NGEF: variants seen among roughly 807,000 people sequenced by gnomAD.
NGEF encodes ephexin-1.
A neutral mutation model predicts 80.9 loss-of-function variants in NGEF; 31 were observed. That is an observed-to-expected ratio of 0.38 (90% CI 0.29 to 0.52). The LOEUF (loss-of-function observed/expected upper bound fraction) is 0.52. Ranked by LOEUF, NGEF falls within the 20% of genes least tolerant of loss-of-function variation. The pLI is 0.84. For missense variants in NGEF, 709 were observed against 926.2 expected (o/e 0.77, Z 3.04); for synonymous variants, 371 against 370.2 (o/e 1.00, Z -0.03).
intron 1 of NGEF, among the ~76,000 whole-genome samples, chr2:232,989,217 G>A (rs143115353): frequency 0.012 from 1,866 of 152,280 alleles, 36 homozygotes; most frequent in African/African-American, 0.043. Flanking sequence ...GGAGCCCGAG[G>A]TGGGTGGATC....
intron 3 of NGEF, among the ~76,000 whole-genome samples, chr2:232,964,688 AAAAAT>A (rs750781607): frequency 1.3e-5 from 2 of 152,244 alleles, no homozygotes; most frequent in South Asian, 2.1e-4. Flanking sequence ...ACTCTGTCTC[AAAAAT>A]AAAATAAAAT....
At chr2:232,998,454 A>AGACCAGGGACAGCGC (rs1694901663) in intron 1 of NGEF, among the ~76,000 whole-genome samples, 1 of 152,174 alleles carries the variant, frequency 6.6e-6, no homozygotes, top group Admixed American at 6.5e-5. Context: ...CAAAGAGCAA[A>AGACCAGGGACAGCGC]GACCAGGGAC....
At chr2:233,011,930 G>C (rs1371207304) in intron 1 of NGEF, among the ~76,000 whole-genome samples, 1 of 152,186 alleles carries the variant, frequency 6.6e-6, no homozygotes, top group Admixed American at 6.5e-5. Flanking sequence ...TGGGAGGAGA[G>C]TGCGGTGGAG....
At position 232,901,408 on chromosome 2, in the gene NGEF, C is replaced by A. The variant is rs189916059; in HGVS notation, c.829-6492G>T. 3 of 985,404 alleles carry A rather than the reference C, an allele frequency of 3.0e-6. No individual in the cohort carries two copies. The African/African-American group carries it at 5.2e-5, about 17-fold the overall frequency. 61.0% of individuals were successfully genotyped at this position (985,404 alleles called of 1,614,324 possible). On this transcript the variant is annotated intron_variant, in intron 5 of 14. Coordinates refer to ENST00000264051, the MANE Select transcript of NGEF (RefSeq NM_019850.3). ...CAGGGTTCGCCGTGGACCTCTGGGC[C>A]GTGCATTCCAGCCTGATTTGGGTTG... is the stretch of plus-strand genomic sequence containing the variant.
chr2:232,993,951 G>C (rs750615838), intron 1 of NGEF, among the ~76,000 whole-genome samples: 1 of 152,180 alleles, frequency 6.6e-6, no homozygotes, highest in Non-Finnish European at 1.5e-5. Context: ...TGCAAATGGG[G>C]ATGGGATTTC....
intron 1 of NGEF, among the ~76,000 whole-genome samples, chr2:232,986,512 TC>T (rs1694534757): frequency 6.6e-6 from 1 of 152,232 alleles, no homozygotes; most frequent in Non-Finnish European, 1.5e-5. Context: ...TGGTGGAATA[TC>T]ATTCAGCCAT....
chr2:232,883,559 T>C (rs1691583525), intron 11 of NGEF, 93 bp from the exon 12 acceptor site: 1 of 1,250,894 alleles, frequency 8.0e-7, no homozygotes, highest in Admixed American at 3.0e-5. Flanking sequence ...CAAGCCTGGC[T>C]CCACAGCGCT....
chr2:232,934,106 A>C (rs367786707), intron 3 of NGEF, among the ~76,000 whole-genome samples: 2 of 152,072 alleles, frequency 1.3e-5, no homozygotes, highest in African/African-American at 4.8e-5. Flanking sequence ...GCTGGGCGTG[A>C]TGGCACGCAC....
chr2:232,926,140 T>C (rs919634459), intron 4 of NGEF, among the ~76,000 whole-genome samples: 1 of 152,220 alleles, frequency 6.6e-6, no homozygotes, highest in Non-Finnish European at 1.5e-5. Flanking sequence ...CATTTGGGAC[T>C]GGAGGACAAT....
rs1181237083 is a variant in NGEF, at chr2:233,013,189, A to C, written c.-196T>G. The C allele has an allele frequency of 4.2e-6, 2 of 470,798 alleles. No individual in the cohort carries two copies. The highest frequency in any genetic ancestry group is 8.8e-6 in the Non-Finnish European group (2 of 226,952). The allele number at this position is 470,798 out of a possible 1,614,324, so 29.2% of individuals were successfully genotyped here. Reference sequence around the variant, plus strand: ...CCCCGGCTAAATCCACAGGCGCTCCACTCTGTCCCAGAGAGCCCACAGCCA... The same window carrying C: ...CCCCGGCTAAATCCACAGGCGCTCCCCTCTGTCCCAGAGAGCCCACAGCCA... On this transcript the variant is annotated 5_prime_UTR_variant, in exon 1 of 15. Transcript: ENST00000264051.
chr2:232,889,726 C>G (rs912169428), intron 8 of NGEF, among the ~76,000 whole-genome samples: 9 of 152,198 alleles, frequency 5.9e-5, no homozygotes, highest in African/African-American at 2.2e-4. Context: ...GTTCGTATCT[C>G]CATTAGCCCT....
Position 232,906,469 on chromosome 2 carries a change from T to A in NGEF, c.829-11553A>T, listed in dbSNP as rs1292408074. Among the ~76,000 whole-genome samples the A allele has an allele frequency of 5.6e-5, 5 of 89,056 alleles. 2 individuals carry two copies. Among genetic ancestry groups the A allele is most frequent in the Non-Finnish European group, 1.2e-4 (5 of 42,984 alleles). 58.4% of individuals were successfully genotyped at this position (89,056 alleles called of 152,430 possible). A position where few individuals can be genotyped will look rare whatever the true frequency, so the allele number is the denominator to read the frequency against. On this transcript the variant is annotated intron_variant, in intron 5 of 14. Coordinates refer to ENST00000264051, the MANE Select transcript of NGEF (RefSeq NM_019850.3). Reference sequence around the variant, plus strand: ...GGCACCTCCCTCCGGCCACCCCTACTGGGAAGTGAGGAGCCCCTCTGCCCG... The same window carrying A: ...GGCACCTCCCTCCGGCCACCCCTACAGGGAAGTGAGGAGCCCCTCTGCCCG...
At chr2:232,919,987 G>A (rs1169403374) in intron 5 of NGEF, among the ~76,000 whole-genome samples, 4 of 152,210 alleles carry the variant, frequency 2.6e-5, no homozygotes, top group African/African-American at 4.8e-5. Context: ...CACGCGTGAC[G>A]GAAATACACA....
intron 3 of NGEF, among the ~76,000 whole-genome samples, chr2:232,941,782 GA>G (rs1574625896): frequency 6.6e-6 from 1 of 152,152 alleles, no homozygotes; most frequent in African/African-American, 2.4e-5. Flanking sequence ...TTATTTGGGG[GA>G]AAAACACCTC....
chr2:232,918,743 C>G (rs1370084170), intron 5 of NGEF, among the ~76,000 whole-genome samples: 5 of 151,362 alleles, frequency 3.3e-5, no homozygotes, highest in Admixed American at 2.0e-4. Context: ...ATTCTCCTAC[C>G]TCAGCCTCCC....
At chr2:233,000,709 G>A (rs1161043732) in intron 1 of NGEF, among the ~76,000 whole-genome samples, 1 of 150,918 alleles carries the variant, frequency 6.6e-6, no homozygotes, top group African/African-American at 2.4e-5. Flanking sequence ...GCAGTGAGCC[G>A]AGATCGCGCC....
chr2:232,916,839 C>G (rs1449716907), intron 5 of NGEF, among the ~76,000 whole-genome samples: 2 of 152,240 alleles, frequency 1.3e-5, no homozygotes, highest in Admixed American at 1.3e-4. Context: ...CACTTCCAGG[C>G]TACAGCTGGT....
At chr2:232,912,065 A>C (rs941071324) in intron 5 of NGEF, among the ~76,000 whole-genome samples, 1 of 152,210 alleles carries the variant, frequency 6.6e-6, no homozygotes, top group Non-Finnish European at 1.5e-5. Flanking sequence ...GAAGGAACAG[A>C]CAGCCTTCCC....
chr2:232,888,348 G>T (rs1012615469), intron 8 of NGEF, among the ~76,000 whole-genome samples: 11 of 144,700 alleles, frequency 7.6e-5, no homozygotes, highest in Middle Eastern at 3.5e-3. Context: ...ATGCACACCT[G>T]CAAGCAGTGT....
Sources: allele counts gnomAD v4.1 joint callset (sites outside exome capture counted in the v4.1 genomes callset), GRCh38; gene constraint gnomAD v4.1.1; transcripts MANE v1.5; gene names NCBI Gene and HGNC (gene_info 2026-07-23, HGNC 2026-07-21).